Variants in CYP19A1 observed in about 807,000 individuals in gnomAD.
CYP19A1 encodes the protein aromatase.
A neutral mutation model predicts 44.4 loss-of-function variants in CYP19A1; 32 were observed. The observed-to-expected ratio is 0.72, with a 90% CI of 0.54 to 0.97. The LOEUF (loss-of-function observed/expected upper bound fraction) is 0.97, where lower values mean the gene tolerates loss of function less well. CYP19A1 is among the 50% of genes least tolerant of loss of function. The pLI, the probability that CYP19A1 is intolerant of heterozygous loss-of-function variation, is 0.00. For missense variants in CYP19A1, 598 were observed against 637.8 expected (o/e 0.94, Z 0.67); for synonymous variants, 212 against 215.6 (o/e 0.98, Z 0.14).
chr15:51,249,043 G>GA (rs2034193357), intron 1 of CYP19A1, among the ~76,000 whole-genome samples: 1 of 151,464 alleles, frequency 6.6e-6, no homozygotes, highest in African/African-American at 2.4e-5. Context: ...AGGTTCAAAC[G>GA]ATTCTCCTGC....
chr15:51,264,838 T>C (rs902523492), intron 1 of CYP19A1, among the ~76,000 whole-genome samples: 1 of 152,190 alleles, frequency 6.6e-6, no homozygotes, highest in African/African-American at 2.4e-5. Flanking sequence ...TTTGGATACT[T>C]CATAGAGATC....
At chr15:51,306,817 G>A (rs2036224429) in intron 1 of CYP19A1, among the ~76,000 whole-genome samples, 1 of 152,198 alleles carries the variant, frequency 6.6e-6, no homozygotes, top group African/African-American at 2.4e-5. Flanking sequence ...TAAGGAGGAG[G>A]GAAATTATCT....
chr15:51,282,076 C>A (rs2035537336), intron 1 of CYP19A1, among the ~76,000 whole-genome samples: 1 of 152,130 alleles, frequency 6.6e-6, no homozygotes, highest in African/African-American at 2.4e-5. Flanking sequence ...TGTCACAGTC[C>A]ACAGGGACCT....
At chr15:51,283,789 C>T (rs901748161) in intron 1 of CYP19A1, among the ~76,000 whole-genome samples, 1 of 152,178 alleles carries the variant, frequency 6.6e-6, no homozygotes, top group East Asian at 1.9e-4. Flanking sequence ...GGAAGAGTGG[C>T]CCACCTCAGG....
At chr15:51,292,893 C>T (rs2035880886) in intron 1 of CYP19A1, among the ~76,000 whole-genome samples, 1 of 151,756 alleles carries the variant, frequency 6.6e-6, no homozygotes. Context: ...TCCCCAAACA[C>T]CAGGTGCTCT....
chr15:51,278,432 G>A lies in CYP19A1; in HGVS notation c.-38-35482C>T, dbSNP rs28757126. On this transcript the variant is annotated intron_variant, in intron 1 of 9. Transcript: ENST00000396402. ...GGGCTCTCTGAAACTTTGGCTCCTC[G>A]TAGGGGGTCCTAGACATATGCCGTA... Among the ~76,000 whole-genome samples the A allele has an allele frequency of 4.3e-3, 657 of 152,232 alleles. 5 individuals are homozygous for A. Among genetic ancestry groups the A allele is most frequent in the South Asian group, 7.7e-3 (37 of 4,814 alleles).
intron 1 of CYP19A1, among the ~76,000 whole-genome samples, chr15:51,307,009 CA>C (rs546874447): frequency 8.5e-5 from 13 of 152,300 alleles, no homozygotes; most frequent in Admixed American, 8.5e-4. Flanking sequence ...ATAAGTAAAC[CA>C]GGTGGTATTC....
chr15:51,212,462 A>C lies in CYP19A1; in HGVS notation c.1121T>G (p.Met374Arg). Residue 374 changes from methionine (M) to arginine (R), a missense_variant, in exon 9 of 10, where the codon ATG (methionine) becomes AGG (arginine). Coordinates refer to ENST00000396402, the MANE Select transcript of CYP19A1 (RefSeq NM_000103.4). ...TACATCATCTTCTAAGGCTTTGCGC[A>C]TGACCAAGTCCACGACAGGCTGGTA... Reference protein sequence around the residue: ...MRYQPVVDLVMRKALEDDVID... With the variant: ...MRYQPVVDLVRRKALEDDVID... 1 of 1,610,602 alleles carries C rather than the reference A, an allele frequency of 6.2e-7. No individual in the cohort carries two copies.
chr15:51,290,593 A>G (rs1402547333), intron 1 of CYP19A1, among the ~76,000 whole-genome samples: 1 of 152,156 alleles, frequency 6.6e-6, no homozygotes, highest in African/African-American at 2.4e-5. Flanking sequence ...CTTTGTATGG[A>G]AAGGGGTAAG....
chr15:51,297,029 T>A (rs1339602868), intron 1 of CYP19A1, among the ~76,000 whole-genome samples: 2 of 152,194 alleles, frequency 1.3e-5, no homozygotes, highest in Non-Finnish European at 2.9e-5. Context: ...AGGCCAAGAC[T>A]TTTTGACTCA....
chr15:51,271,491 A>G (rs1428684423), intron 1 of CYP19A1, among the ~76,000 whole-genome samples: 1 of 152,198 alleles, frequency 6.6e-6, no homozygotes, highest in Non-Finnish European at 1.5e-5. Flanking sequence ...TGGGTGACAT[A>G]TTTAACATCT....
At chr15:51,272,432 A>T (rs2035161800) in intron 1 of CYP19A1, among the ~76,000 whole-genome samples, 1 of 152,180 alleles carries the variant, frequency 6.6e-6, no homozygotes, top group East Asian at 1.9e-4. Context: ...TAAAATATAC[A>T]TTTTATAAAC....
chr15:51,211,536 A>T, intron 9 of CYP19A1: 1 of 349,688 alleles, frequency 2.9e-6, no homozygotes, highest in South Asian at 2.2e-5. Context: ...TCTTGTCCAC[A>T]TTTGGACTTA....
At chr15:51,231,054 A>C (rs2032991090) in intron 3 of CYP19A1, among the ~76,000 whole-genome samples, 1 of 152,208 alleles carries the variant, frequency 6.6e-6, no homozygotes, top group Non-Finnish European at 1.5e-5. Context: ...AGAGATAAAC[A>C]ATCTTTATAA....
intron 1 of CYP19A1, among the ~76,000 whole-genome samples, chr15:51,311,585 C>A (rs2036311763): frequency 1.3e-5 from 2 of 152,134 alleles, no homozygotes; most frequent in African/African-American, 4.8e-5. Flanking sequence ...GAAAACTTCC[C>A]AGATTTGATG....
At chr15:51,269,362 T>C (rs1037742636) in intron 1 of CYP19A1, among the ~76,000 whole-genome samples, 9 of 152,230 alleles carry the variant, frequency 5.9e-5, no homozygotes, top group Admixed American at 5.9e-4. Context: ...TTTTCTGTTC[T>C]GTTCCATTAA....
chr15:51,306,215 C>G lies in CYP19A1; in HGVS notation c.-39+32280G>C, dbSNP rs1186372368. ...CTTGGTAGGGAGAGTGGACTCAAGA[C>G]AGAGGTGAGGTGTACACACTCGGGT... On this transcript the variant is annotated intron_variant, in intron 1 of 9. Transcript: ENST00000396402. Among the ~76,000 whole-genome samples, 6 of 152,258 alleles carry G rather than the reference C, an allele frequency of 3.9e-5. No homozygotes were observed. The South Asian group carries it at 1.0e-3, about 26-fold the overall frequency.
intron 2 of CYP19A1, among the ~76,000 whole-genome samples, chr15:51,238,463 T>C (rs2033544685): frequency 6.6e-6 from 1 of 152,248 alleles, no homozygotes; most frequent in Admixed American, 6.5e-5. Context: ...TAGGCATGTG[T>C]ATCTAATATA....
In CYP19A1 at chr15:51,235,561, GAAAC is replaced by G. The variant is rs778489052; in HGVS notation, c.296+1294_296+1297del. 5.3e-5 allele frequency among the ~76,000 whole-genome samples: 8 copies of G among 152,284 alleles called. No homozygotes were observed. The East Asian group carries it at 7.7e-4, about 15-fold the overall frequency. On this transcript the variant is annotated intron_variant, in intron 3 of 9. Transcript: ENST00000396402. ...AAAGTGCTACAACACAAAACTGAAT[GAAAC>G]AAACAAACAAAAATCCCAGGTCAAA...
Sources: allele counts gnomAD v4.1 joint callset (sites outside exome capture counted in the v4.1 genomes callset), GRCh38; gene constraint gnomAD v4.1.1; transcripts MANE v1.5; gene names NCBI Gene and HGNC (gene_info 2026-07-23, HGNC 2026-07-21).